The following NUP93 variants were observed in gnomAD, a reference collection of about 807,000 sequenced individuals.
NUP93 encodes the protein nuclear pore complex protein Nup93.
NUP93 carries 55 observed loss-of-function variants against 107.8 expected under a neutral mutation model. The observed-to-expected ratio is 0.51, with a 90% CI of 0.41 to 0.64. The LOEUF (loss-of-function observed/expected upper bound fraction) is 0.64, where lower values mean the gene tolerates loss of function less well. Ranked by LOEUF, NUP93 falls within the 30% of genes least tolerant of loss-of-function variation. NUP93 has a pLI of 0.00. For missense variants in NUP93, 937 were observed against 1,044.7 expected, an observed-to-expected ratio of 0.90 and a Z score of 1.42; for synonymous variants, 390 against 397.5, an observed-to-expected ratio of 0.98 and a Z score of 0.22.
At chr16:56,757,098 T>G (rs1962038395) in intron 2 of NUP93, among the ~76,000 whole-genome samples, 1 of 152,160 alleles carries the variant, frequency 6.6e-6, no homozygotes, top group South Asian at 2.1e-4. Flanking sequence ...TCTGGGTAAA[T>G]GTAATCTGTT....
At chr16:56,736,719 C>CA (rs1483332499) in intron 1 of NUP93, among the ~76,000 whole-genome samples, 3 of 152,174 alleles carry the variant, frequency 2.0e-5, no homozygotes, top group Non-Finnish European at 4.4e-5. Context: ...CCTGGAAACT[C>CA]ACGGTTGGAG....
intron 2 of NUP93, among the ~76,000 whole-genome samples, chr16:56,756,179 G>T (rs1171345298): frequency 6.6e-6 from 1 of 151,622 alleles, no homozygotes; most frequent in Admixed American, 6.6e-5. Context: ...CAGAATGTCC[G>T]GGTTTGTTAC....
intron 20 of NUP93, among the ~76,000 whole-genome samples, chr16:56,841,049 G>T (rs1964015597): frequency 6.6e-6 from 1 of 151,962 alleles, no homozygotes; most frequent in Admixed American, 6.5e-5. Flanking sequence ...GGCCAGTTCT[G>T]CACATGAAGA....
Position 56,833,410 on chromosome 16 carries a change from A to G in NUP93, c.1537+4A>G. 1 of 1,514,052 alleles carries G rather than the reference A, an allele frequency of 6.6e-7. No individual in the cohort carries two copies. Among genetic ancestry groups the G allele is most frequent in the Non-Finnish European group, 8.8e-7 (1 of 1,138,300 alleles). The allele number at this position is 1,514,052 out of a possible 1,614,324, so 93.8% of individuals were successfully genotyped here. A position where few individuals can be genotyped will look rare whatever the true frequency, so the allele number is the denominator to read the frequency against. On this transcript the variant is annotated splice_donor_region_variant and intron_variant, in intron 13 of 21. Coordinates refer to ENST00000308159, the MANE Select transcript of NUP93 (RefSeq NM_014669.5). ...TCTGGACAGAGTGCTCAGCTCCGTG[A>G]GTATTTGGGATTGGATTGACAGTAA...
At position 56,834,272 on chromosome 16, in the gene NUP93, C is replaced by T. The variant is rs769169109; in HGVS notation, c.1664+18C>T. ...TTCCTCAGGTAACATTTGCTTTTGA[C>T]CATTTACTTCAGCTAGTTTCAATTT... On this transcript the variant is annotated intron_variant, in intron 14 of 21. Coordinates refer to ENST00000308159, the MANE Select transcript of NUP93 (RefSeq NM_014669.5). 14 of 1,613,594 alleles carry T rather than the reference C, an allele frequency of 8.7e-6. No homozygotes were observed. Among genetic ancestry groups the T allele is most frequent in the Non-Finnish European group, 2.5e-6 (3 of 1,179,612 alleles).
chr16:56,782,551 A>G (rs1481917333), intron 3 of NUP93: 1 of 152,158 alleles, frequency 6.6e-6, no homozygotes, highest in African/African-American at 2.4e-5. Flanking sequence ...TAAAGGAGAT[A>G]CATGTGAAGT....
intron 8 of NUP93, among the ~76,000 whole-genome samples, chr16:56,828,481 T>G (rs529627326): frequency 6.6e-6 from 1 of 152,324 alleles, no homozygotes; most frequent in Non-Finnish European, 1.5e-5. Flanking sequence ...CCCCTGATTT[T>G]TATAACATAT....
At chr16:56,801,353 C>T (rs1963017592) in intron 4 of NUP93, among the ~76,000 whole-genome samples, 1 of 152,162 alleles carries the variant, frequency 6.6e-6, no homozygotes, top group Non-Finnish European at 1.5e-5. Flanking sequence ...TCCATTACCT[C>T]TAATGTAATT....
intron 3 of NUP93, among the ~76,000 whole-genome samples, chr16:56,797,021 T>A (rs1378485827): frequency 6.6e-6 from 1 of 151,360 alleles, no homozygotes; most frequent in African/African-American, 2.4e-5. Flanking sequence ...ACGCCGGTAA[T>A]CCCAGCACTT....
intron 8 of NUP93, among the ~76,000 whole-genome samples, chr16:56,828,678 T>A (rs1357592247): frequency 1.3e-5 from 2 of 152,264 alleles, no homozygotes; most frequent in Non-Finnish European, 2.9e-5. Context: ...AACATTAGGC[T>A]GTGAGCTGGA....
At chr16:56,777,788 C>G (rs182712383) in intron 3 of NUP93, among the ~76,000 whole-genome samples, 2 of 152,194 alleles carry the variant, frequency 1.3e-5, no homozygotes, top group African/African-American at 2.4e-5. Context: ...GGTACATTGG[C>G]CAAGAACCGC....
At position 56,730,164 on chromosome 16, in the gene NUP93, C is replaced by G. The variant is rs1388481264; in HGVS notation, c.-62C>G. On this transcript the variant is annotated 5_prime_UTR_variant, in exon 1 of 22. Transcript: ENST00000308159. ...GGAGAGCGGCGCGAGAAGCGGCGGCCGCGTCCTCAAGCCGGCACCTGAGCG... is the reference window on the plus strand; with the variant it reads ...GGAGAGCGGCGCGAGAAGCGGCGGCGGCGTCCTCAAGCCGGCACCTGAGCG... 6.6e-6 allele frequency: 1 copy of G among 152,476 alleles called. No individual in the cohort carries two copies. The highest frequency in any genetic ancestry group is 6.5e-5 in the Admixed American group (1 of 15,292). The allele number at this position is 152,476 out of a possible 1,614,324, so 9.4% of individuals were successfully genotyped here.
rs1357919370 is a variant in NUP93, at chr16:56,830,649, C to A, written c.1049C>A (p.Thr350Asn). The change falls in exon 10 of 22, where the codon ACC becomes AAC. Residue 350 changes from threonine to asparagine, a missense_variant. By Grantham distance (65) the Thr-to-Asn change is moderately conservative. Coordinates refer to ENST00000308159, the MANE Select transcript of NUP93 (RefSeq NM_014669.5). ...RAQHQLGEFK[T>N]WFQEYMNSKD... Reference sequence around the variant, plus strand: ...CAGCACCAGCTGGGAGAGTTTAAAACCTGGTTCCAGGAGTACATGAACAGC... The same window carrying A: ...CAGCACCAGCTGGGAGAGTTTAAAAACTGGTTCCAGGAGTACATGAACAGC... 4.4e-6 allele frequency: 7 copies of A among 1,604,412 alleles called. No individual in the cohort carries two copies. The highest frequency in any genetic ancestry group is 6.0e-6 in the Non-Finnish European group (7 of 1,172,290).
At chr16:56,736,110 A>G (rs1156613789) in intron 1 of NUP93, among the ~76,000 whole-genome samples, 2 of 152,226 alleles carry the variant, frequency 1.3e-5, no homozygotes, top group East Asian at 1.9e-4. Context: ...CAGGCAGATC[A>G]CCTGAGGTCA....
At chr16:56,817,543 G>T (rs1441194920) in intron 5 of NUP93, among the ~76,000 whole-genome samples, 1 of 152,116 alleles carries the variant, frequency 6.6e-6, no homozygotes, top group African/African-American at 2.4e-5. Flanking sequence ...TCTCTGCTAT[G>T]CTACAGTACA....
intron 21 of NUP93, chr16:56,842,814 A>G: frequency 3.1e-6 from 1 of 327,140 alleles, no homozygotes; most frequent in South Asian, 2.3e-5. Flanking sequence ...CGGCCTCCCA[A>G]AGTGCTAGGA....
At chr16:56,816,056 GC>G (rs1470705105) in intron 5 of NUP93, among the ~76,000 whole-genome samples, 1 of 152,226 alleles carries the variant, frequency 6.6e-6, no homozygotes, top group Non-Finnish European at 1.5e-5. Flanking sequence ...AGAGTGTGGT[GC>G]CAGACTGTGG....
chr16:56,735,348 G>C (rs1274881256), intron 1 of NUP93, among the ~76,000 whole-genome samples: 1 of 152,232 alleles, frequency 6.6e-6, no homozygotes, highest in African/African-American at 2.4e-5. Context: ...GGCTGCAGTG[G>C]AAGGTTGGGT....
At position 56,834,720 on chromosome 16, in the gene NUP93, T is replaced by G. The variant is rs748484913; in HGVS notation, c.1738-14T>G. ...TTTGTCCAATAATTTGAGTAAACTT[T>G]TTTCCTTCCACAGTTCGATATGATT... On this transcript the variant is annotated splice_polypyrimidine_tract_variant and intron_variant, in intron 15 of 21. Transcript: ENST00000308159. 1.9e-6 allele frequency: 3 copies of G among 1,608,974 alleles called. No individual in the cohort carries two copies. Among genetic ancestry groups the G allele is most frequent in the South Asian group, 1.1e-5 (1 of 90,304 alleles).
Sources: allele counts gnomAD v4.1 joint callset (sites outside exome capture counted in the v4.1 genomes callset), GRCh38; gene constraint gnomAD v4.1.1; transcripts MANE v1.5; gene names NCBI Gene and HGNC (gene_info 2026-07-23, HGNC 2026-07-21).